Variants in HS6ST3 observed in about 807,000 individuals in gnomAD.
The protein encoded by HS6ST3 is heparan sulfate 6-O-sulfotransferase 3, also known as heparan-sulfate 6-O-sulfotransferase 3.
In HS6ST3, 12 loss-of-function variants were observed where a neutral mutation model predicts 36.7. The ratio of observed to expected loss-of-function variants is 0.33; its 90% CI spans 0.21 to 0.53. The LOEUF is 0.53. Ranked by LOEUF, HS6ST3 falls within the 20% of genes least tolerant of loss-of-function variation. The probability of loss-of-function intolerance (pLI) is 0.95; values close to 1 mark genes in which losing one functional copy is unlikely to be tolerated. For synonymous variants in HS6ST3, 240 were observed against 257.5 expected (o/e 0.93, Z 0.65); for missense variants, 584 against 640.9 (o/e 0.91, Z 0.96).
chr13:96,274,012 C>CTCTT (rs140627684), intron 1 of HS6ST3, among the ~76,000 whole-genome samples: 8,426 of 138,650 alleles, frequency 0.061, 330 homozygotes, highest in East Asian at 0.15. Context: ...TTCTCTCTCT[C>CTCTT]TCTTTCTCTT....
At chr13:96,542,091 G>A (rs533655062) in intron 1 of HS6ST3, among the ~76,000 whole-genome samples, 2 of 152,210 alleles carry the variant, frequency 1.3e-5, no homozygotes, top group African/African-American at 4.8e-5. Context: ...AATCCCTAGG[G>A]GCAGAAAGCC....
intron 1 of HS6ST3, among the ~76,000 whole-genome samples, chr13:96,709,166 A>C (rs925356752): frequency 3.3e-5 from 5 of 152,090 alleles, no homozygotes; most frequent in Admixed American, 6.5e-5. Flanking sequence ...CTCTTCACTC[A>C]TGCTCTCTCC....
At chr13:96,663,696 T>G (rs2056654260) in intron 1 of HS6ST3, among the ~76,000 whole-genome samples, 2 of 152,208 alleles carry the variant, frequency 1.3e-5, no homozygotes, top group South Asian at 2.1e-4. Flanking sequence ...AAGAATTGCA[T>G]GTGGATTTTC....
At chr13:96,773,478 G>A (rs1436828711) in intron 1 of HS6ST3, among the ~76,000 whole-genome samples, 3 of 152,108 alleles carry the variant, frequency 2.0e-5, no homozygotes, top group Non-Finnish European at 4.4e-5. Context: ...TGGGACACTC[G>A]AGCTTGGTCC....
intron 1 of HS6ST3, among the ~76,000 whole-genome samples, chr13:96,296,702 T>G (rs1002096026): frequency 6.6e-6 from 1 of 152,146 alleles, no homozygotes; most frequent in African/African-American, 2.4e-5. Context: ...CTACCCACAT[T>G]GAATGAATGG....
chr13:96,115,444 C>T (rs1368515730), intron 1 of HS6ST3, among the ~76,000 whole-genome samples: 1 of 152,146 alleles, frequency 6.6e-6, no homozygotes, highest in Non-Finnish European at 1.5e-5. Context: ...GTTCCCCACC[C>T]TGTGTCCAGG....
intron 1 of HS6ST3, among the ~76,000 whole-genome samples, chr13:96,417,259 T>A (rs1454936787): frequency 5.9e-5 from 9 of 152,312 alleles, no homozygotes; most frequent in Admixed American, 5.9e-4. Flanking sequence ...AAGGTACCTG[T>A]GCAAGGAGCT....
At chr13:96,511,863 T>A (rs946304375) in intron 1 of HS6ST3, among the ~76,000 whole-genome samples, 2 of 152,170 alleles carry the variant, frequency 1.3e-5, no homozygotes, top group Non-Finnish European at 2.9e-5. Flanking sequence ...TCCCACACTT[T>A]GGTTTGAAAT....
intron 1 of HS6ST3, among the ~76,000 whole-genome samples, chr13:96,528,550 A>G (rs569918161): frequency 1.1e-4 from 16 of 152,206 alleles, no homozygotes; most frequent in Non-Finnish European, 2.4e-4. Flanking sequence ...GCATAACTCA[A>G]TGAACCTATA....
At chr13:96,116,935 G>T (rs1462044623) in intron 1 of HS6ST3, among the ~76,000 whole-genome samples, 1 of 152,118 alleles carries the variant, frequency 6.6e-6, no homozygotes, top group East Asian at 1.9e-4. Flanking sequence ...GGGAAAAGCT[G>T]GGGTTTTGGA....
intron 1 of HS6ST3, among the ~76,000 whole-genome samples, chr13:96,519,479 T>G (rs76770232): frequency 0.018 from 2,688 of 152,260 alleles, 73 homozygotes; most frequent in African/African-American, 0.061. Context: ...AATGGATGGG[T>G]GTTTCTGGGC....
chr13:96,343,527 C>T (rs2055140102), intron 1 of HS6ST3, among the ~76,000 whole-genome samples: 1 of 152,146 alleles, frequency 6.6e-6, no homozygotes. Flanking sequence ...ATCTCCCTAT[C>T]CTGAGGTCAG....
At chr13:96,225,979 A>T (rs575503794) in intron 1 of HS6ST3, among the ~76,000 whole-genome samples, 2 of 152,272 alleles carry the variant, frequency 1.3e-5, no homozygotes, top group South Asian at 4.1e-4. Context: ...CACTGATCTT[A>T]GTTAAGTGCG....
chr13:96,786,773 C>T (rs1877663232), intron 1 of HS6ST3, among the ~76,000 whole-genome samples: 1 of 152,002 alleles, frequency 6.6e-6, no homozygotes, highest in African/African-American at 2.4e-5. Flanking sequence ...TTGTGGTGTA[C>T]AATTCTATGA....
intron 1 of HS6ST3, among the ~76,000 whole-genome samples, chr13:96,137,650 T>C (rs1030376646): frequency 1.3e-5 from 2 of 152,128 alleles, no homozygotes; most frequent in Non-Finnish European, 2.9e-5. Flanking sequence ...GCCAGGCTGA[T>C]CTTGAACTCC....
At chr13:96,248,940 G>A (rs893831848) in intron 1 of HS6ST3, among the ~76,000 whole-genome samples, 1 of 152,064 alleles carries the variant, frequency 6.6e-6, no homozygotes, top group African/African-American at 2.4e-5. Context: ...AATTGATGTG[G>A]CCACCTTTTC....
intron 1 of HS6ST3, among the ~76,000 whole-genome samples, chr13:96,765,147 C>G (rs1373124301): frequency 6.7e-6 from 1 of 148,712 alleles, no homozygotes; most frequent in Non-Finnish European, 1.5e-5. Flanking sequence ...AATCTCGGCT[C>G]ACTGCAAGCT....
At chr13:96,096,487 C>G (rs2053791752) in intron 1 of HS6ST3, among the ~76,000 whole-genome samples, 1 of 152,070 alleles carries the variant, frequency 6.6e-6, no homozygotes, top group Non-Finnish European at 1.5e-5. Context: ...TGTGGGGTAT[C>G]TTTCTTCTCC....
At chr13:96,161,180 C>T (rs1048457393) in intron 1 of HS6ST3, among the ~76,000 whole-genome samples, 4 of 151,958 alleles carry the variant, frequency 2.6e-5, no homozygotes, top group Non-Finnish European at 4.4e-5. Context: ...TAACTTTTGC[C>T]CTTAAGATGT....
Sources: gnomAD v4.1 joint callset for allele counts (sites outside exome capture counted in the v4.1 genomes callset) on GRCh38, gnomAD v4.1.1 for gene constraint, MANE v1.5 for transcripts, NCBI Gene and HGNC (gene_info 2026-07-23, HGNC 2026-07-21) for gene names.